The following NCAM1 variants were observed in gnomAD, a reference collection of about 807,000 sequenced individuals.
The protein encoded by NCAM1 is antigen recognized by monoclonal antibody 5.1H11.
In NCAM1, 14 loss-of-function variants were observed where a neutral mutation model predicts 109.8. The ratio of observed to expected loss-of-function variants is 0.13; its 90% CI spans 0.08 to 0.20. NCAM1 has a LOEUF of 0.20. Among genes scored for constraint, NCAM1 ranks in the 10% least tolerant of loss-of-function variants. NCAM1 has a pLI of 1.00. For missense variants in NCAM1, 774 were observed against 1,109.9 expected, an observed-to-expected ratio of 0.70 and a Z score of 4.30; for synonymous variants, 418 against 442.9, an observed-to-expected ratio of 0.94 and a Z score of 0.70.
At chr11:113,095,945 G>A (rs557721234) in intron 1 of NCAM1, among the ~76,000 whole-genome samples, 17 of 152,218 alleles carry the variant, frequency 1.1e-4, no homozygotes, top group South Asian at 1.0e-3. Context: ...ATAAAATGAC[G>A]TAAATGGAAT....
At chr11:112,973,711 T>G (rs1950939141) in intron 1 of NCAM1, among the ~76,000 whole-genome samples, 1 of 152,058 alleles carries the variant, frequency 6.6e-6, no homozygotes, top group African/African-American at 2.4e-5. Context: ...GCTCAGCAAT[T>G]TTTTCCCATA....
Position 113,132,461 on chromosome 11 carries a change from G to A in NCAM1, c.53-69918G>A, listed in dbSNP as rs183413978. Among the ~76,000 whole-genome samples the A allele has an allele frequency of 7.3e-5, 9 of 123,738 alleles. No homozygotes were observed. The East Asian group carries it at 1.9e-3, about 26-fold the overall frequency. 81.2% of individuals were successfully genotyped at this position (123,738 alleles called of 152,430 possible). Reference sequence around the variant, plus strand: ...TCCTTAATGCCCCCAAGGGAGAGGGGGCTTTACCTTCTCTCCTTTCGGGGT... The same window carrying A: ...TCCTTAATGCCCCCAAGGGAGAGGGAGCTTTACCTTCTCTCCTTTCGGGGT... On this transcript the variant is annotated intron_variant, in intron 1 of 19. Coordinates refer to ENST00000316851, the MANE Select transcript of NCAM1 (RefSeq NM_181351.5).
Position 113,206,198 on chromosome 11 carries a change from T to A in NCAM1, c.628+18T>A, listed in dbSNP as rs1555112850. The A allele has an allele frequency of 1.3e-6, 2 of 1,592,478 alleles. No individual in the cohort carries two copies. On this transcript the variant is annotated intron_variant, in intron 5 of 19. Coordinates refer to ENST00000316851, the MANE Select transcript of NCAM1 (RefSeq NM_181351.5). Reference sequence around the variant, plus strand: ...TGTGAATGGTGAGGAGAGTCCGTTCTTCCTGATCTCTGCATTGCTACAACC... The same window carrying A: ...TGTGAATGGTGAGGAGAGTCCGTTCATCCTGATCTCTGCATTGCTACAACC...
At chr11:113,197,956 G>A (rs1943905852) in intron 1 of NCAM1, among the ~76,000 whole-genome samples, 1 of 152,024 alleles carries the variant, frequency 6.6e-6, no homozygotes, top group South Asian at 2.1e-4. Flanking sequence ...GGAGTTGGGA[G>A]TTACAAAACA....
chr11:113,119,705 C>A (rs1940869805), intron 1 of NCAM1, among the ~76,000 whole-genome samples: 1 of 152,102 alleles, frequency 6.6e-6, no homozygotes, highest in Non-Finnish European at 1.5e-5. Context: ...CTTCCCAGGC[C>A]AGCTCAATTC....
Position 113,120,038 on chromosome 11 carries a change from G to C in NCAM1, c.53-82341G>C, listed in dbSNP as rs17114886. 6.6e-3 allele frequency among the ~76,000 whole-genome samples: 1,002 copies of C among 152,294 alleles called. 7 individuals carry two copies. The highest frequency in any genetic ancestry group is 0.023 in the African/African-American group (951 of 41,560). On this transcript the variant is annotated intron_variant, in intron 1 of 19. Transcript: ENST00000316851. ...TACTCTAGCTGTTAGACTTAATTAG[G>C]CTCCACAGTTTTCTAAAAGAATTGA...
chr11:113,240,328 A>G (rs185683456), intron 14 of NCAM1, among the ~76,000 whole-genome samples: 36 of 152,322 alleles, frequency 2.4e-4, no homozygotes, highest in African/African-American at 6.5e-4. Context: ...TTTGCTATAA[A>G]TAAAGTCATA....
Position 113,271,881 on chromosome 11 carries a change from G to T in NCAM1, c.2456+5G>T, listed in dbSNP as rs1555125488. On this transcript the variant is annotated splice_donor_5th_base_variant and intron_variant, in intron 19 of 19. Transcript: ENST00000316851. ...CACGCCACTGACGGAGCCCGAGTACGTGGGCTGGGAGGGGCTGGCACCTGC... is the reference window on the plus strand; with the variant it reads ...CACGCCACTGACGGAGCCCGAGTACTTGGGCTGGGAGGGGCTGGCACCTGC... The T allele has an allele frequency of 1.3e-6, 2 of 1,555,828 alleles. No homozygotes were observed. The highest frequency in any genetic ancestry group is 1.2e-5 in the South Asian group (1 of 84,178).
rs369715213 is a variant in NCAM1, at chr11:113,205,648, G to A, written c.472G>A (p.Val158Ile). The change falls in exon 4 of 20, where the codon GTC becomes ATC. Residue 158 changes from valine to isoleucine, a missense_variant. Coordinates refer to ENST00000316851, the MANE Select transcript of NCAM1 (RefSeq NM_181351.5). The stretch of plus-strand genomic sequence containing the variant: ...CATCTGGAAACACAAAGGCCGAGAT[G>A]TCATCCTGAAAAAAGATGGTGAGAC... ...TIIWKHKGRD[V>I]ILKKDVRFIV... The A allele has an allele frequency of 1.2e-6, 2 of 1,613,198 alleles. No homozygotes were observed. Among genetic ancestry groups the A allele is most frequent in the East Asian group, 2.2e-5 (1 of 44,856 alleles).
At chr11:113,163,818 G>T (rs782266242) in intron 1 of NCAM1, among the ~76,000 whole-genome samples, 4 of 152,180 alleles carry the variant, frequency 2.6e-5, no homozygotes, top group Non-Finnish European at 5.9e-5. Flanking sequence ...CCAGTGCTGC[G>T]GGTGCCGGGC....
chr11:113,031,458 G>T lies in NCAM1; in HGVS notation c.52+69794G>T, dbSNP rs533673792. 2.2e-4 allele frequency among the ~76,000 whole-genome samples: 33 copies of T among 152,276 alleles called. No homozygotes were observed. The South Asian group carries it at 6.8e-3, about 32-fold the overall frequency. On this transcript the variant is annotated intron_variant, in intron 1 of 19. Transcript: ENST00000316851. ...TGTAATCTCAGAAGTTTGGGAGGCC[G>T]AGGCGGGCAGATCGCCTGAGGTCAG...
chr11:113,140,971 G>A lies in NCAM1; in HGVS notation c.53-61408G>A, dbSNP rs145166274. On this transcript the variant is annotated intron_variant, in intron 1 of 19. Transcript: ENST00000316851. ...TTTTATCTGGTAGGACGAACATAGT[G>A]CTCGTACTAGGAATAGTAGAACTAT... 4.9e-3 allele frequency among the ~76,000 whole-genome samples: 743 copies of A among 152,054 alleles called. 6 individuals are homozygous for A. The highest frequency in any genetic ancestry group is 0.016 in the African/African-American group (684 of 41,464).
chr11:113,100,354 C>G (rs918861618), intron 1 of NCAM1, among the ~76,000 whole-genome samples: 4 of 152,136 alleles, frequency 2.6e-5, no homozygotes, highest in Non-Finnish European at 5.9e-5. Flanking sequence ...ACAATTAATG[C>G]TCTTTTAGCA....
chr11:113,040,688 A>G (rs1953046140), intron 1 of NCAM1, among the ~76,000 whole-genome samples: 1 of 152,236 alleles, frequency 6.6e-6, no homozygotes, highest in Admixed American at 6.5e-5. Context: ...AGAAACCATC[A>G]ATACAGTAAA....
chr11:113,259,273 G>A (rs916621350), intron 16 of NCAM1, among the ~76,000 whole-genome samples: 2 of 151,714 alleles, frequency 1.3e-5, no homozygotes, highest in East Asian at 1.9e-4. Context: ...GGATGGTCTC[G>A]ATCTCCTGAC....
At chr11:113,140,025 G>A (rs1941756778) in intron 1 of NCAM1, among the ~76,000 whole-genome samples, 1 of 152,194 alleles carries the variant, frequency 6.6e-6, no homozygotes, top group African/African-American at 2.4e-5. Flanking sequence ...TAAGCAGTTT[G>A]TCACCATTAT....
chr11:113,182,749 G>A (rs528755746), intron 1 of NCAM1, among the ~76,000 whole-genome samples: 13 of 152,288 alleles, frequency 8.5e-5, no homozygotes, highest in South Asian at 2.1e-4. Context: ...AGAGTCGAGC[G>A]AGCAGAGCCC....
chr11:113,038,625 C>T (rs1226631293), intron 1 of NCAM1, among the ~76,000 whole-genome samples: 1 of 152,188 alleles, frequency 6.6e-6, no homozygotes, highest in Non-Finnish European at 1.5e-5. Flanking sequence ...TAGTTGAAGA[C>T]ATGACAGAGA....
At chr11:113,208,213 C>A (rs1944294464) in intron 7 of NCAM1, among the ~76,000 whole-genome samples, 1 of 152,194 alleles carries the variant, frequency 6.6e-6, no homozygotes. Flanking sequence ...GCCTCCCCGA[C>A]TCTCCCTATT....
Sources: allele counts gnomAD v4.1 joint callset (sites outside exome capture counted in the v4.1 genomes callset), GRCh38; gene constraint gnomAD v4.1.1; transcripts MANE v1.5; gene names NCBI Gene and HGNC (gene_info 2026-07-23, HGNC 2026-07-21).